Variants in CNTN1 observed in about 807,000 individuals in gnomAD.
The protein encoded by CNTN1 is contactin 1.
Under a neutral mutation model 126.4 loss-of-function variants are expected in CNTN1, and 38 were observed. That is an observed-to-expected ratio of 0.30 (90% CI 0.23 to 0.39). The LOEUF (loss-of-function observed/expected upper bound fraction) is 0.39. Ranked by LOEUF, CNTN1 falls within the 10% of genes least tolerant of loss-of-function variation. The probability of loss-of-function intolerance (pLI) is 1.00; values close to 1 mark genes in which losing one functional copy is unlikely to be tolerated. For synonymous variants in CNTN1, 413 were observed against 422.6 expected (o/e 0.98, Z 0.28); for missense variants, 1,009 against 1,248.4 (o/e 0.81, Z 2.89).
At chr12:40,990,054 T>G (rs1948062204) in intron 16 of CNTN1, among the ~76,000 whole-genome samples, 1 of 152,126 alleles carries the variant, frequency 6.6e-6, no homozygotes, top group African/African-American at 2.4e-5. Flanking sequence ...GGTACATCTT[T>G]TAAAAATGAT....
At chr12:40,903,136 C>T (rs556472274) in intron 1 of CNTN1, among the ~76,000 whole-genome samples, 1 of 152,178 alleles carries the variant, frequency 6.6e-6, no homozygotes, top group South Asian at 2.1e-4. Context: ...ATCCATCAGT[C>T]ATGGAGACCC....
At position 41,070,391 on chromosome 12, in the gene CNTN1, G is replaced by T; in HGVS notation, c.*356G>T. Reference sequence around the variant, plus strand: ...GAAAGTCAAATCACCATATACAGGTGCTTTAAATTTAATAACAAGTTGTGA... The same window carrying T: ...GAAAGTCAAATCACCATATACAGGTTCTTTAAATTTAATAACAAGTTGTGA... On this transcript the variant is annotated 3_prime_UTR_variant, in exon 24 of 24. Coordinates refer to ENST00000551295, the MANE Select transcript of CNTN1 (RefSeq NM_001843.4). The T allele has an allele frequency of 3.1e-6, 1 of 320,328 alleles. No individual in the cohort carries two copies. Among genetic ancestry groups the T allele is most frequent in the Non-Finnish European group, 6.0e-6 (1 of 166,798 alleles). The allele number at this position is 320,328 out of a possible 1,614,324, so 19.8% of individuals were successfully genotyped here.
At chr12:40,717,535 TTAAAA>T (rs2121197680) in intron 1 of CNTN1, among the ~76,000 whole-genome samples, 1 of 152,338 alleles carries the variant, frequency 6.6e-6, no homozygotes, top group Admixed American at 6.5e-5. Flanking sequence ...AAATTGGTAT[TTAAAA>T]TAAGTGAATT....
At chr12:41,024,708 C>A (rs1399915505) in intron 20 of CNTN1, among the ~76,000 whole-genome samples, 1 of 152,024 alleles carries the variant, frequency 6.6e-6, no homozygotes, top group Non-Finnish European at 1.5e-5. Context: ...TTTTATCCAG[C>A]AAAATTATAT....
chr12:40,940,436 A>C (rs1244152912), intron 12 of CNTN1, among the ~76,000 whole-genome samples: 1 of 152,154 alleles, frequency 6.6e-6, no homozygotes, highest in Non-Finnish European at 1.5e-5. Context: ...TAAACAAGGG[A>C]GGACAAGGAT....
chr12:40,879,797 G>A (rs921080190), intron 1 of CNTN1, among the ~76,000 whole-genome samples: 1 of 151,956 alleles, frequency 6.6e-6, no homozygotes, highest in Non-Finnish European at 1.5e-5. Flanking sequence ...AATCCTACTT[G>A]TGTTATGACT....
intron 1 of CNTN1, among the ~76,000 whole-genome samples, chr12:40,831,189 T>C (rs942496911): frequency 6.8e-6 from 1 of 148,072 alleles, no homozygotes; most frequent in Non-Finnish European, 1.5e-5. Flanking sequence ...TATTTACTTA[T>C]AGTATATACA....
intron 1 of CNTN1, among the ~76,000 whole-genome samples, chr12:40,767,934 C>G (rs1939182784): frequency 6.6e-6 from 1 of 152,040 alleles, no homozygotes; most frequent in Admixed American, 6.5e-5. Context: ...AAAGGAAAAT[C>G]TTAATGTAAT....
At chr12:40,883,993 A>T (rs1943951670) in intron 1 of CNTN1, among the ~76,000 whole-genome samples, 1 of 151,578 alleles carries the variant, frequency 6.6e-6, no homozygotes, top group African/African-American at 2.4e-5. Context: ...AAAATATGCT[A>T]AGATAATAAG....
intron 2 of CNTN1, among the ~76,000 whole-genome samples, chr12:40,908,839 C>G (rs755406297): frequency 3.9e-5 from 6 of 151,992 alleles, no homozygotes; most frequent in Non-Finnish European, 8.8e-5. Flanking sequence ...GATGTGCAAC[C>G]GCTCACCAGT....
chr12:41,004,498 A>T (rs772321581), intron 17 of CNTN1, among the ~76,000 whole-genome samples: 1 of 152,074 alleles, frequency 6.6e-6, no homozygotes, highest in Non-Finnish European at 1.5e-5. Flanking sequence ...TATCTTTGTT[A>T]ATTTTCCATC....
rs1941139444 is a variant in CNTN1, at chr12:40,813,064, TTCCTTC to T, written c.-76-95292_-76-95287del. Among the ~76,000 whole-genome samples the T allele has an allele frequency of 1.6e-4, 21 of 133,112 alleles. 1 individual carries two copies. Among genetic ancestry groups the T allele is most frequent in the African/African-American group, 5.5e-4 (19 of 34,706 alleles). The allele number at this position is 133,112 out of a possible 152,430, so 87.3% of individuals were successfully genotyped here. On this transcript the variant is annotated intron_variant, in intron 1 of 23. Coordinates refer to ENST00000551295, the MANE Select transcript of CNTN1 (RefSeq NM_001843.4). ...CTTTCTTTCTTTCTTTCTTTCTTCC[TTCCTTC>T]CTTCCTTCCTTCCTTCCTTTCTTTC...
At chr12:40,693,794 G>C (rs1941370260) in intron 1 of CNTN1, among the ~76,000 whole-genome samples, 1 of 152,120 alleles carries the variant, frequency 6.6e-6, no homozygotes, top group African/African-American at 2.4e-5. Context: ...GGGCAAAAGG[G>C]AATCCAATTC....
chr12:40,836,449 C>G (rs756463290), intron 1 of CNTN1, among the ~76,000 whole-genome samples: 5 of 151,712 alleles, frequency 3.3e-5, no homozygotes, highest in Non-Finnish European at 7.4e-5. Flanking sequence ...ATTTATTAAG[C>G]CTCTTTTATG....
intron 23 of CNTN1, among the ~76,000 whole-genome samples, chr12:41,046,847 C>CTTTTTTTTTTTTTTTTTTT (rs56655599): frequency 2.5e-5 from 3 of 118,992 alleles, no homozygotes; most frequent in African/African-American, 6.5e-5. Flanking sequence ...TTGCTTATTT[C>CTTTTTTTTTTTTTTTTTTT]TTTTTTTTTT....
chr12:40,770,588 A>C (rs942762613), intron 1 of CNTN1, among the ~76,000 whole-genome samples: 2 of 152,182 alleles, frequency 1.3e-5, no homozygotes, highest in Non-Finnish European at 2.9e-5. Context: ...CATGAAAAGA[A>C]TTAGTAAAGG....
chr12:40,859,769 C>G (rs1943055013), intron 1 of CNTN1, among the ~76,000 whole-genome samples: 1 of 152,060 alleles, frequency 6.6e-6, no homozygotes, highest in Admixed American at 6.6e-5. Flanking sequence ...ATTTGATTAT[C>G]TATATCCTGT....
At chr12:40,751,768 T>C (rs1406321855) in intron 1 of CNTN1, among the ~76,000 whole-genome samples, 4 of 152,102 alleles carry the variant, frequency 2.6e-5, no homozygotes, top group Non-Finnish European at 5.9e-5. Flanking sequence ...TGCAGAGCCA[T>C]AGCTTCTTCT....
intron 1 of CNTN1, among the ~76,000 whole-genome samples, chr12:40,799,087 T>A (rs1410840186): frequency 6.6e-5 from 10 of 151,704 alleles, no homozygotes; most frequent in Non-Finnish European, 1.5e-5. Context: ...ATTGAAAAGT[T>A]TTTGGAAACA....
Sources: gnomAD v4.1 joint callset for allele counts (sites outside exome capture counted in the v4.1 genomes callset) on GRCh38, gnomAD v4.1.1 for gene constraint, MANE v1.5 for transcripts, NCBI Gene and HGNC (gene_info 2026-07-23, HGNC 2026-07-21) for gene names.